Variants in ZNF462 observed in about 807,000 individuals in gnomAD.
The protein encoded by ZNF462 is zinc finger PBX1-interacting protein.
ZNF462 carries 10 observed loss-of-function variants against 201.9 expected under a neutral mutation model. The ratio of observed to expected loss-of-function variants is 0.05; its 90% CI spans 0.03 to 0.08. The LOEUF (loss-of-function observed/expected upper bound fraction) is 0.08. Ranked by LOEUF, ZNF462 falls within the 10% of genes least tolerant of loss-of-function variation. The pLI, the probability that ZNF462 is intolerant of heterozygous loss-of-function variation, is 1.00. For synonymous variants in ZNF462, 1,227 were observed against 1,193.3 expected (o/e 1.03, Z -0.58); for missense variants, 2,523 against 3,168.3 (o/e 0.80, Z 4.89).
chr9:106,909,370 C>T (rs1007905376), intron 1 of ZNF462, among the ~76,000 whole-genome samples: 10 of 151,988 alleles, frequency 6.6e-5, no homozygotes, highest in African/African-American at 2.2e-4. Flanking sequence ...ATAACCACTA[C>T]ATTTAAGGAA....
In ZNF462 at chr9:106,932,911, G is replaced by C. The variant is rs1051936571; in HGVS notation, c.6116+362G>C. ...GGAAGTAAAGTCCATTTAGAAAACT[G>C]AGTTGCTAAAGAGGTAAAATTAGGA... On this transcript the variant is annotated intron_variant, in intron 5 of 12. Coordinates refer to ENST00000277225, the MANE Select transcript of ZNF462 (RefSeq NM_021224.6). The surrounding 1 kb of genome is among the most constrained non-coding windows in gnomAD (Gnocchi z 6.8). The C allele has an allele frequency of 2.9e-6, 1 of 346,500 alleles. No individual in the cohort carries two copies. Among genetic ancestry groups the C allele is most frequent in the Non-Finnish European group, 5.3e-6 (1 of 189,454 alleles). 21.5% of individuals were successfully genotyped at this position (346,500 alleles called of 1,614,324 possible). A position where few individuals can be genotyped will look rare whatever the true frequency, so the allele number is the denominator to read the frequency against.
upstream of ZNF462, among the ~76,000 whole-genome samples, chr9:106,861,294 A>T (rs931306188): frequency 3.3e-5 from 5 of 152,018 alleles, no homozygotes; most frequent in African/African-American, 1.2e-4. Flanking sequence ...CCGCTATCGG[A>T]TGGGAACCAA....
Position 106,919,587 on chromosome 9 carries a change from G to A in ZNF462, c.-30-3767G>A, listed in dbSNP as rs1829908143. On this transcript the variant is annotated intron_variant, in intron 1 of 12. Coordinates refer to ENST00000277225, the MANE Select transcript of ZNF462 (RefSeq NM_021224.6). The surrounding 1 kb of genome is among the most constrained non-coding windows in gnomAD (Gnocchi z 4.5). The stretch of plus-strand genomic sequence containing the variant: ...TTTGTCAAACATAAACAATTGGATT[G>A]TGGGTTTGCCCATCAAAACCCCACA... Among the ~76,000 whole-genome samples, 13 of 152,210 alleles carry A rather than the reference G, an allele frequency of 8.5e-5. No homozygotes were observed. The highest frequency in any genetic ancestry group is 8.5e-4 in the Admixed American group (13 of 15,286).
chr9:107,001,055 C>T (rs1322304909), intron 10 of ZNF462, among the ~76,000 whole-genome samples: 1 of 152,102 alleles, frequency 6.6e-6, no homozygotes, highest in Admixed American at 6.5e-5. Context: ...GACAGCCCAC[C>T]CCTCATGTCC....
intron 1 of ZNF462, among the ~76,000 whole-genome samples, chr9:106,893,537 G>A (rs901891476): frequency 6.6e-6 from 1 of 152,124 alleles, no homozygotes; most frequent in Admixed American, 6.6e-5. Context: ...CTTGTAAACA[G>A]TACTATCATA....
At chr9:106,879,334 C>A (rs112976628) in intron 1 of ZNF462, among the ~76,000 whole-genome samples, 3 of 79,620 alleles carry the variant, frequency 3.8e-5, no homozygotes, top group South Asian at 5.1e-4. Context: ...TGCTTTCCAC[C>A]CCCCCCCCCA....
Position 106,929,561 on chromosome 9 carries a change from C to A in ZNF462, c.5649C>A (p.Asn1883Lys). Reference sequence around the variant, plus strand: ...AGAGGGACTTCATCATTCTGGGCAACGGCCCCCGCTTGCAGAACTCCACCT... The same window carrying A: ...AGAGGGACTTCATCATTCTGGGCAAAGGCCCCCGCTTGCAGAACTCCACCT... ...DLKRDFIILG[N>K]GPRLQNSTYQ... The change falls in exon 3 of 13, where the codon AAC becomes AAA. Residue 1883 changes from asparagine to lysine, a missense_variant. This residue lies in a region of ZNF462 where 207 missense variants were observed against 231.6 expected (regional missense o/e 0.89). Coordinates refer to ENST00000277225, the MANE Select transcript of ZNF462 (RefSeq NM_021224.6). The surrounding 1 kb of genome is among the most constrained non-coding windows in gnomAD (Gnocchi z 8.7). 2 of 1,614,146 alleles carry A rather than the reference C, an allele frequency of 1.2e-6. No homozygotes were observed. Among genetic ancestry groups the A allele is most frequent in the Middle Eastern group, 3.3e-4 (2 of 6,062 alleles).
chr9:106,997,009 A>G (rs1043305693), intron 10 of ZNF462, among the ~76,000 whole-genome samples: 3 of 152,132 alleles, frequency 2.0e-5, no homozygotes, highest in Admixed American at 6.6e-5. Context: ...TTAAAATTGG[A>G]GAGGAGCACA....
intron 1 of ZNF462, among the ~76,000 whole-genome samples, chr9:106,921,803 T>C (rs768138486): frequency 6.6e-6 from 1 of 152,218 alleles, no homozygotes; most frequent in Non-Finnish European, 1.5e-5. Context: ...CCAGAGCTGA[T>C]AGCAACCTCT....
At position 106,935,547 on chromosome 9, in the gene ZNF462, T is replaced by C; in HGVS notation, c.6161T>C (p.Phe2054Ser). The C allele has an allele frequency of 6.2e-7, 1 of 1,614,032 alleles. No individual in the cohort carries two copies. The highest frequency in any genetic ancestry group is 8.5e-7 in the Non-Finnish European group (1 of 1,179,984). The change falls in exon 6 of 13, where the codon TTC becomes TCC. Residue 2054 changes from phenylalanine to serine, a missense_variant. By Grantham distance (155) the Phe-to-Ser change is radical. This residue lies in a region of ZNF462 where 138 missense variants were observed against 146.3 expected (regional missense o/e 0.94). Coordinates refer to ENST00000277225, the MANE Select transcript of ZNF462 (RefSeq NM_021224.6). The surrounding 1 kb of genome is among the most constrained non-coding windows in gnomAD (Gnocchi z 4.1). ...MQTHHGHHKP[F>S]RCKLCSFKSS... is the part of the protein sequence containing the mutation. Reference sequence around the variant, plus strand: ...ACCCACCACGGACACCATAAACCATTCCGATGCAAACTCTGCTCCTTCAAG... The same window carrying C: ...ACCCACCACGGACACCATAAACCATCCCGATGCAAACTCTGCTCCTTCAAG...
rs1428666045 is a variant in ZNF462, at chr9:107,005,454, A to AT, written c.7189+2029dup. Among the ~76,000 whole-genome samples the AT allele has an allele frequency of 6.6e-6, 1 of 152,172 alleles. No homozygotes were observed. Among genetic ancestry groups the AT allele is most frequent in the Non-Finnish European group, 1.5e-5 (1 of 68,024 alleles). On this transcript the variant is annotated intron_variant, in intron 11 of 12. Transcript: ENST00000277225. The surrounding 1 kb of genome is among the most constrained non-coding windows in gnomAD (Gnocchi z 4.4). ...TTGTGGTTTAATTTGCATTTCCCTG[A>AT]TGATTAGTGATGTTGAACATTTTTT...
In ZNF462 at chr9:106,929,101, T is replaced by TGGC; in HGVS notation, c.5190_5192dup (p.Ala1732dup). ...ATTGATGCGTATTACACTCACTGCT[T>TGGC]GGCAGCCTCCAGGACCATCAGCGAC... is the stretch of plus-strand genomic sequence containing the variant. On this transcript the variant is annotated inframe_insertion, in exon 3 of 13. Transcript: ENST00000277225. The surrounding 1 kb of genome is among the most constrained non-coding windows in gnomAD (Gnocchi z 8.7). 3.7e-6 allele frequency: 6 copies of TGGC among 1,614,098 alleles called. No individual in the cohort carries two copies. Among genetic ancestry groups the TGGC allele is most frequent in the Non-Finnish European group, 5.1e-6 (6 of 1,180,014 alleles).
intron 1 of ZNF462, among the ~76,000 whole-genome samples, chr9:106,893,641 G>GA (rs1404631041): frequency 6.6e-6 from 1 of 152,196 alleles, no homozygotes; most frequent in Non-Finnish European, 1.5e-5. Context: ...GATGGAGAGG[G>GA]AAAGGGGTAA....
rs1253763251 is a variant in ZNF462, at chr9:106,919,054, G to T, written c.-30-4300G>T. Among the ~76,000 whole-genome samples the T allele has an allele frequency of 6.6e-6, 1 of 152,240 alleles. No homozygotes were observed. Among genetic ancestry groups the T allele is most frequent in the African/African-American group, 2.4e-5 (1 of 41,458 alleles). On this transcript the variant is annotated intron_variant, in intron 1 of 12. Transcript: ENST00000277225. This position sits in a 1 kb window ranked among gnomAD's most constrained non-coding sequence, Gnocchi z 4.5. ...TAATTAGTTGCTACTGAATCACATG[G>T]CTGTGGTGCTTCACAGCTTTATTTC...
rs1168061068 is a variant in ZNF462, at chr9:106,979,040, G to C, written c.6832+4767G>C. 2.7e-5 allele frequency: 5 copies of C among 183,672 alleles called. 1 individual carries two copies. Among genetic ancestry groups the C allele is most frequent in the African/African-American group, 1.2e-4 (5 of 41,092 alleles). The allele number at this position is 183,672 out of a possible 1,614,324, so 11.4% of individuals were successfully genotyped here. A position where few individuals can be genotyped will look rare whatever the true frequency, so the allele number is the denominator to read the frequency against. ...CCATCTCCTTGATAATACAATAGGG[G>C]ACTCCCTTCTTAGGACTCAGGGCAA... On this transcript the variant is annotated intron_variant, in intron 9 of 12. Coordinates refer to ENST00000277225, the MANE Select transcript of ZNF462 (RefSeq NM_021224.6).
intron 7 of ZNF462, among the ~76,000 whole-genome samples, chr9:106,945,754 A>G (rs1013595821): frequency 6.6e-6 from 1 of 152,160 alleles, no homozygotes; most frequent in East Asian, 1.9e-4. Flanking sequence ...ATGTTTCTAT[A>G]TTTCTACTGT....
chr9:107,000,652 C>T lies in ZNF462; in HGVS notation c.7057-2642C>T, dbSNP rs1829116605. Among the ~76,000 whole-genome samples, 3 of 152,214 alleles carry T rather than the reference C, an allele frequency of 2.0e-5. No homozygotes were observed. In the South Asian group the frequency reaches 6.2e-4, roughly 32 times the overall value. ...GCCTAGCAAAGATTTTAGAAATCTT[C>T]AGGACCAAATAAATCCTGGGTTAGC... On this transcript the variant is annotated intron_variant, in intron 10 of 12. Transcript: ENST00000277225.
chr9:107,009,802 A>T lies in ZNF462; in HGVS notation c.7313+134A>T. On this transcript the variant is annotated intron_variant, in intron 12 of 12. Coordinates refer to ENST00000277225, the MANE Select transcript of ZNF462 (RefSeq NM_021224.6). This position sits in a 1 kb window ranked among gnomAD's most constrained non-coding sequence, Gnocchi z 6.1. ...ATTTCTGGGCCGTGGGAGGAGAGGC[A>T]ATGGTGAGGAACCAAGTTTCTCCTT... The T allele has an allele frequency of 7.8e-7, 1 of 1,289,414 alleles. No individual in the cohort carries two copies. The highest frequency in any genetic ancestry group is 1.0e-6 in the Non-Finnish European group (1 of 953,774). 79.9% of individuals were successfully genotyped at this position (1,289,414 alleles called of 1,614,324 possible).
intron 1 of ZNF462, among the ~76,000 whole-genome samples, chr9:106,871,717 C>G (rs1201549056): frequency 6.6e-6 from 1 of 152,154 alleles, no homozygotes; most frequent in Non-Finnish European, 1.5e-5. Context: ...TGATAAAGGA[C>G]AGATGGAAAC....
Sources: gnomAD v4.1 joint callset for allele counts (sites outside exome capture counted in the v4.1 genomes callset) on GRCh38, gnomAD v4.1.1 for gene constraint, gnomAD v4.1.1 regional missense constraint, Gnocchi (gnomAD v3.1) non-coding constraint, MANE v1.5 for transcripts, NCBI Gene and HGNC (gene_info 2026-07-23, HGNC 2026-07-21) for gene names.